Variants in GUCY1B1 observed in about 807,000 individuals in gnomAD.
GUCY1B1 encodes guanylate cyclase soluble subunit beta-1.
Under a neutral mutation model 71.0 loss-of-function variants are expected in GUCY1B1, and 43 were observed. That is an observed-to-expected ratio of 0.61 (90% CI 0.47 to 0.78). The LOEUF is 0.78. Among genes scored for constraint, GUCY1B1 ranks in the 30% least tolerant of loss-of-function variants. The pLI, the probability that GUCY1B1 is intolerant of heterozygous loss-of-function variation, is 0.00. For synonymous variants in GUCY1B1, 266 were observed against 259.7 expected (o/e 1.02, Z -0.23); for missense variants, 535 against 754.1 (o/e 0.71, Z 3.40).
chr4:155,795,494 T>C (rs757037519), intron 7 of GUCY1B1, 37 bp downstream of exon 7: 19 of 1,006,236 alleles, frequency 1.9e-5, no homozygotes, highest in Non-Finnish European at 1.6e-6. Flanking sequence ...GTGAGAAAGG[T>C]ATGTCACAAA....
intron 2 of GUCY1B1, chr4:155,772,802 C>A: frequency 1.4e-6 from 1 of 702,276 alleles, no homozygotes; most frequent in Non-Finnish European, 2.6e-6. Flanking sequence ...CTCTGAAATG[C>A]AGATCTCTGT....
intron 2 of GUCY1B1, 38 bp from the exon 3 acceptor site, chr4:155,774,930 A>C: frequency 9.4e-7 from 1 of 1,059,318 alleles, no homozygotes; most frequent in Non-Finnish European, 1.5e-6. Context: ...TTTTAACTTC[A>C]ACTTTTCTCT....
In GUCY1B1 at chr4:155,794,075, G is replaced by C; in HGVS notation, c.715G>C (p.Val239Leu). The C allele has an allele frequency of 6.3e-7, 1 of 1,582,800 alleles. No homozygotes were observed. The highest frequency in any genetic ancestry group is 8.7e-7 in the Non-Finnish European group (1 of 1,152,304). Residue 239 changes from valine to leucine, a missense_variant, in exon 6 of 14, where the codon GTT (valine) becomes CTT (leucine). Physicochemically the swap from Val to Leu is conservative, Grantham distance 32. Transcript: ENST00000264424. ...VTQCGNAIYR[V>L]LPQLQPGNCS... ...TCAGTGTGGCAATGCTATATACAGA[G>C]TTCTCCCCCAGGTAAAATGACAGCA...
intron 2 of GUCY1B1, among the ~76,000 whole-genome samples, chr4:155,760,080 C>A (rs1436204042): frequency 6.6e-6 from 1 of 152,118 alleles, no homozygotes; most frequent in Non-Finnish European, 1.5e-5. Flanking sequence ...GGGCGAGAAC[C>A]GCGGAAAGGA....
intron 2 of GUCY1B1, chr4:155,772,760 T>C: frequency 1.4e-6 from 1 of 702,566 alleles, no homozygotes; most frequent in Non-Finnish European, 2.6e-6. Flanking sequence ...TTATGTGATT[T>C]GCTCCGGTTC....
intron 2 of GUCY1B1, among the ~76,000 whole-genome samples, chr4:155,762,804 AC>A (rs1737082917): frequency 6.6e-6 from 1 of 152,186 alleles, no homozygotes; most frequent in Non-Finnish European, 1.5e-5. Context: ...AAATATTAAA[AC>A]CATTGTTAGC....
At chr4:155,796,334 G>A (rs769051561) in intron 7 of GUCY1B1, 43 bp from the exon 8 acceptor site, 1 of 1,579,918 alleles carries the variant, frequency 6.3e-7, no homozygotes, top group African/African-American at 1.4e-5. Context: ...TTCTTAGGTA[G>A]GGAGAAAGGC....
At chr4:155,789,423 G>T (rs769399072) in intron 4 of GUCY1B1, among the ~76,000 whole-genome samples, 9 of 151,984 alleles carry the variant, frequency 5.9e-5, no homozygotes, top group Non-Finnish European at 8.8e-5. Context: ...CCTTAACTAT[G>T]TTTTTTTCTG....
intron 4 of GUCY1B1, among the ~76,000 whole-genome samples, chr4:155,777,919 G>T (rs909694665): frequency 6.6e-6 from 1 of 152,160 alleles, no homozygotes; most frequent in African/African-American, 2.4e-5. Flanking sequence ...TTTGTGATCT[G>T]TTCAACTGCC....
chr4:155,772,185 CT>C (rs1184285481), intron 2 of GUCY1B1, among the ~76,000 whole-genome samples: 9 of 152,040 alleles, frequency 5.9e-5, no homozygotes, highest in African/African-American at 2.2e-4. Context: ...AGTTGTGTTG[CT>C]TTTGTTTAAC....
At chr4:155,774,895 A>G (rs1042266522) in intron 2 of GUCY1B1, 73 bp from the exon 3 acceptor site, 6 of 856,294 alleles carry the variant, frequency 7.0e-6, no homozygotes, top group African/African-American at 5.1e-5. Context: ...TGTTTATACA[A>G]TTATTATACT....
intron 8 of GUCY1B1, among the ~76,000 whole-genome samples, chr4:155,798,965 G>A (rs1359652232): frequency 1.3e-5 from 2 of 152,182 alleles, no homozygotes; most frequent in Admixed American, 6.5e-5. Flanking sequence ...AGCCTCCCGA[G>A]TAGCTGGGAC....
chr4:155,802,286 A>G lies in GUCY1B1; in HGVS notation c.1176-56A>G. 9 of 1,606,800 alleles carry G rather than the reference A, an allele frequency of 5.6e-6. No individual in the cohort carries two copies. The highest frequency in any genetic ancestry group is 7.6e-6 in the Non-Finnish European group (9 of 1,177,084). On this transcript the variant is annotated intron_variant, in intron 9 of 13. Coordinates refer to ENST00000264424, the MANE Select transcript of GUCY1B1 (RefSeq NM_000857.5). The surrounding 1 kb of genome is among the most constrained non-coding windows in gnomAD (Gnocchi z 4.3). ...GCTGTGTGAAAAGGACAGCAGAAGCACTAAAGGCTTTCCCAGTATTTCTTA... is the reference window on the plus strand; with the variant it reads ...GCTGTGTGAAAAGGACAGCAGAAGCGCTAAAGGCTTTCCCAGTATTTCTTA...
At chr4:155,785,299 T>C in intron 4 of GUCY1B1, 2 of 1,474,804 alleles carry the variant, frequency 1.4e-6, no homozygotes, top group Non-Finnish European at 1.8e-6. Context: ...ATTTACATCA[T>C]TGTTTCCTGG....
intron 2 of GUCY1B1, among the ~76,000 whole-genome samples, chr4:155,764,746 T>C (rs1269267138): frequency 6.6e-6 from 1 of 152,208 alleles, no homozygotes; most frequent in Non-Finnish European, 1.5e-5. Flanking sequence ...TTAAGCTTAC[T>C]AATGTTTGAA....
rs1740016024 is a variant in GUCY1B1 at position 155,802,386 on chromosome 4, G to A, written c.1220G>A (p.Arg407Gln). The change falls in exon 10 of 14, where the codon CGG (arginine) becomes CAG (glutamine). Residue 407 changes from arginine to glutamine, a missense_variant. By Grantham distance (43) the Arg-to-Gln change is conservative (BLOSUM62 1). Coordinates refer to ENST00000264424, the MANE Select transcript of GUCY1B1 (RefSeq NM_000857.5). This position sits in a 1 kb window ranked among gnomAD's most constrained non-coding sequence, Gnocchi z 4.3. ...CCTCCGTCTGTTGCCAATGAGCTGCGGCACAAGCGTCCAGTGCCTGCCAAA... is the reference window on the plus strand; with the variant it reads ...CCTCCGTCTGTTGCCAATGAGCTGCAGCACAAGCGTCCAGTGCCTGCCAAA... ...VLPPSVANEL[R>Q]HKRPVPAKRY... The A allele has an allele frequency of 1.9e-6, 3 of 1,613,646 alleles. No individual in the cohort carries two copies. The highest frequency in any genetic ancestry group is 1.3e-5 in the African/African-American group (1 of 74,964).
intron 6 of GUCY1B1, among the ~76,000 whole-genome samples, chr4:155,794,734 A>C (rs549204775): frequency 6.6e-6 from 1 of 152,304 alleles, no homozygotes; most frequent in South Asian, 2.1e-4. Context: ...GCCCAGTTGG[A>C]TCAGGTGAAA....
rs140815205 is a variant in GUCY1B1 at position 155,804,409 on chromosome 4, A to G, written c.1555-184A>G. On this transcript the variant is annotated intron_variant, in intron 11 of 13. Transcript: ENST00000264424. Reference sequence around the variant, plus strand: ...GAGAGCATTAGGACAAATACCTAATACGTGCGGGGCTTAAAACCTAGATAA... The same window carrying G: ...GAGAGCATTAGGACAAATACCTAATGCGTGCGGGGCTTAAAACCTAGATAA... Among the ~76,000 whole-genome samples, 829 of 152,130 alleles carry G rather than the reference A, an allele frequency of 5.4e-3. 12 individuals carry two copies. The highest frequency in any genetic ancestry group is 0.019 in the African/African-American group (777 of 41,500).
At chr4:155,787,757 G>A (rs370957085) in intron 4 of GUCY1B1, among the ~76,000 whole-genome samples, 1 of 152,290 alleles carries the variant, frequency 6.6e-6, no homozygotes, top group South Asian at 2.1e-4. Flanking sequence ...AATTAATGCT[G>A]TAAGTGTCCT....
Sources: allele counts gnomAD v4.1 joint callset (sites outside exome capture counted in the v4.1 genomes callset), GRCh38; gene constraint gnomAD v4.1.1; non-coding constraint Gnocchi (gnomAD v3.1); transcripts MANE v1.5; gene names NCBI Gene and HGNC (gene_info 2026-07-23, HGNC 2026-07-21).